The following TIAM2 variants were observed in gnomAD, a reference collection of about 807,000 sequenced individuals.
TIAM2 encodes the protein TIAM Rac1 associated GEF 2, also known as rho guanine nucleotide exchange factor TIAM2.
In TIAM2, 80 loss-of-function variants were observed where a neutral mutation model predicts 152.9. The observed-to-expected ratio is 0.52, with a 90% confidence interval of 0.44 to 0.63. The LOEUF is 0.63. Among genes scored for constraint, TIAM2 ranks in the 30% least tolerant of loss-of-function variants. TIAM2 has a pLI of 0.00. For missense variants in TIAM2, 1,965 were observed against 2,120.1 expected, an observed-to-expected ratio of 0.93 and a Z score of 1.44; for synonymous variants, 804 against 838.0, an observed-to-expected ratio of 0.96 and a Z score of 0.70.
At chr6:155,028,769 T>C (rs1455942684) in intron 1 of TIAM2, among the ~76,000 whole-genome samples, 1 of 126,194 alleles carries the variant, frequency 7.9e-6, no homozygotes, top group Non-Finnish European at 1.5e-5. Context: ...ATATACTGTG[T>C]TATATACTAC....
Position 155,210,254 on chromosome 6 carries a change from T to A in TIAM2, c.3065-950T>A, listed in dbSNP as rs189788709. ...TTTAATTTTTAATTTACTTAAATTT[T>A]AAATTTTCATTTTTATTATTTTTAT... On this transcript the variant is annotated intron_variant, in intron 14 of 26. Coordinates refer to ENST00000682666, the MANE Select transcript of TIAM2 (RefSeq NM_012454.4). 2.7e-3 allele frequency among the ~76,000 whole-genome samples: 412 copies of A among 152,100 alleles called. 1 individual carries two copies. The highest frequency in any genetic ancestry group is 9.2e-3 in the African/African-American group (382 of 41,550).
rs1212954021 is a variant in TIAM2 at position 155,114,014 on chromosome 6, T to TTA, written c.-117-13454_-117-13453dup. ...AAAAATGTAAATTTTATACTTTACTTTATATATATATATATATATATATTT... is the reference window on the plus strand; with the variant it reads ...AAAAATGTAAATTTTATACTTTACTTTATATATATATATATATATATATATTT... On this transcript the variant is annotated intron_variant, in intron 2 of 26. Coordinates refer to ENST00000682666, the MANE Select transcript of TIAM2 (RefSeq NM_012454.4). Among the ~76,000 whole-genome samples the TTA allele has an allele frequency of 6.4e-3, 375 of 58,832 alleles. 6 individuals carry two copies. The highest frequency in any genetic ancestry group is 0.021 in the South Asian group (24 of 1,170). The allele number at this position is 58,832 out of a possible 152,430, so 38.6% of individuals were successfully genotyped here. A position where few individuals can be genotyped will look rare whatever the true frequency, so the allele number is the denominator to read the frequency against.
intron 1 of TIAM2, among the ~76,000 whole-genome samples, chr6:155,037,302 A>G (rs1009708499): frequency 1.3e-5 from 2 of 152,188 alleles, no homozygotes; most frequent in African/African-American, 2.4e-5. Context: ...ACTAGCGTAT[A>G]GAAGGTCCTA....
intron 6 of TIAM2, 63 bp downstream of exon 6, chr6:155,144,841 G>T (rs1779787048): frequency 6.6e-7 from 1 of 1,506,560 alleles, no homozygotes; most frequent in African/African-American, 1.4e-5. Context: ...AGAAGGAACA[G>T]AAAAGGCAAA....
intron 21 of TIAM2, chr6:155,250,708 CT>C: frequency 1.5e-6 from 2 of 1,294,228 alleles, no homozygotes; most frequent in Admixed American, 4.1e-5. Context: ...ATGCCTTCAC[CT>C]TTATGTTATT....
At chr6:155,131,334 A>G (rs193002787) in intron 4 of TIAM2, among the ~76,000 whole-genome samples, 1,940 of 151,200 alleles carry the variant, frequency 0.013, 19 homozygotes, top group Non-Finnish European at 0.021. Flanking sequence ...CAACAGAGAG[A>G]GACTCTGTCT....
At chr6:155,052,773 CAAAAA>C (rs10545743) in intron 1 of TIAM2, among the ~76,000 whole-genome samples, 3 of 117,030 alleles carry the variant, frequency 2.6e-5, no homozygotes, top group Admixed American at 9.0e-5. Context: ...AACTCCATCT[CAAAAA>C]AAAAAAAAAA....
chr6:155,005,503 C>T (rs1351933596), intron 1 of TIAM2, among the ~76,000 whole-genome samples: 1 of 151,758 alleles, frequency 6.6e-6, no homozygotes, highest in African/African-American at 2.4e-5. Flanking sequence ...CCATGCCTGG[C>T]TAATTTTTGT....
At chr6:155,225,243 A>G (rs1429196632) in intron 15 of TIAM2, among the ~76,000 whole-genome samples, 1 of 152,322 alleles carries the variant, frequency 6.6e-6, no homozygotes, top group East Asian at 1.9e-4. Context: ...GGCATGAGCC[A>G]ATGCACTCAG....
chr6:155,139,642 A>T (rs1042704186), intron 5 of TIAM2, among the ~76,000 whole-genome samples: 1 of 152,140 alleles, frequency 6.6e-6, no homozygotes, highest in Non-Finnish European at 1.5e-5. Context: ...ATGTGGCTGC[A>T]AACTATTATG....
chr6:155,068,284 A>T (rs1341762746), intron 1 of TIAM2, among the ~76,000 whole-genome samples: 1 of 150,908 alleles, frequency 6.6e-6, no homozygotes. Flanking sequence ...CTCTCTACCC[A>T]CCCTTTATGT....
At chr6:155,190,957 T>A (rs1163423839) in intron 14 of TIAM2, among the ~76,000 whole-genome samples, 1 of 152,254 alleles carries the variant, frequency 6.6e-6, no homozygotes, top group Non-Finnish European at 1.5e-5. Context: ...AAATGAATTC[T>A]ATTTCTCACT....
At chr6:155,238,166 C>A (rs1782867121) in intron 15 of TIAM2, among the ~76,000 whole-genome samples, 1 of 152,208 alleles carries the variant, frequency 6.6e-6, no homozygotes, top group Non-Finnish European at 1.5e-5. Flanking sequence ...TTCCACAGAT[C>A]TCTAGGGCAG....
intron 20 of TIAM2, among the ~76,000 whole-genome samples, chr6:155,248,836 CA>C (rs1322571385): frequency 6.6e-6 from 1 of 152,064 alleles, no homozygotes; most frequent in Non-Finnish European, 1.5e-5. Context: ...CTAGGAGGTC[CA>C]ATTAAACCAT....
At chr6:155,032,730 C>T (rs576159355) in intron 1 of TIAM2, among the ~76,000 whole-genome samples, 4 of 152,110 alleles carry the variant, frequency 2.6e-5, no homozygotes, top group Non-Finnish European at 5.9e-5. Flanking sequence ...TTAGTAGAGA[C>T]GGGTTTCGCC....
At position 155,021,123 on chromosome 6, in the gene TIAM2, C is replaced by G. The variant is rs555529227; in HGVS notation, c.-209+25631C>G. ...TGTATGTCATCTTTTGTTTGTCTGCCCATTGGTCCACAGACATTTGGGTTT... is the reference window on the plus strand; with the variant it reads ...TGTATGTCATCTTTTGTTTGTCTGCGCATTGGTCCACAGACATTTGGGTTT... On this transcript the variant is annotated intron_variant, in intron 1 of 26. Transcript: ENST00000682666. Among the ~76,000 whole-genome samples the G allele has an allele frequency of 2.6e-5, 4 of 152,210 alleles. No individual in the cohort carries two copies. The South Asian group carries it at 8.3e-4, about 32-fold the overall frequency.
At chr6:155,004,492 G>T (rs558743512) in intron 1 of TIAM2, among the ~76,000 whole-genome samples, 120 of 152,180 alleles carry the variant, frequency 7.9e-4, no homozygotes, top group African/African-American at 2.9e-3. Context: ...CTGGGTTCAC[G>T]CGATTCTCCT....
intron 2 of TIAM2, among the ~76,000 whole-genome samples, chr6:155,118,205 C>A (rs1779059452): frequency 6.6e-6 from 1 of 152,116 alleles, no homozygotes; most frequent in Non-Finnish European, 1.5e-5. Flanking sequence ...TTACCTCCTC[C>A]TCTCTCCAAA....
At chr6:155,220,669 A>C (rs1782011471) in intron 15 of TIAM2, among the ~76,000 whole-genome samples, 1 of 152,176 alleles carries the variant, frequency 6.6e-6, no homozygotes, top group Non-Finnish European at 1.5e-5. Context: ...GAAGAGTTTA[A>C]TGAAAAAATA....
Sources: allele counts gnomAD v4.1 joint callset (sites outside exome capture counted in the v4.1 genomes callset), GRCh38; gene constraint gnomAD v4.1.1; transcripts MANE v1.5; gene names NCBI Gene and HGNC (gene_info 2026-07-23, HGNC 2026-07-21).